The following PTCHD4 variants were observed in gnomAD, a reference collection of about 807,000 sequenced individuals.
PTCHD4 encodes the protein patched domain-containing protein 4.
PTCHD4 carries 33 observed loss-of-function variants against 58.1 expected under a neutral mutation model. That is an observed-to-expected ratio of 0.57 (90% CI 0.43 to 0.76). PTCHD4 has a LOEUF of 0.76. PTCHD4 is among the 30% of genes least tolerant of loss of function. The probability of loss-of-function intolerance (pLI) is 0.00; values close to 1 mark genes in which losing one functional copy is unlikely to be tolerated. For missense variants in PTCHD4, 1,058 were observed against 1,027.1 expected, an observed-to-expected ratio of 1.03 and a Z score of -0.41; for synonymous variants, 478 against 409.6, an observed-to-expected ratio of 1.17 and a Z score of -2.02.
At chr6:48,103,434 A>C (rs1259921583) in intron 1 of PTCHD4, among the ~76,000 whole-genome samples, 1 of 152,236 alleles carries the variant, frequency 6.6e-6, no homozygotes, top group African/African-American at 2.4e-5. Flanking sequence ...AAGGACATCC[A>C]CACCAAAAAT....
At chr6:48,096,086 C>A (rs1416829156) in intron 1 of PTCHD4, among the ~76,000 whole-genome samples, 4 of 152,000 alleles carry the variant, frequency 2.6e-5, no homozygotes, top group Non-Finnish European at 4.4e-5. Context: ...GATAGGCAGA[C>A]AAATCAATTA....
At chr6:47,921,062 CAAAA>C (rs1253395756) in intron 4 of PTCHD4, among the ~76,000 whole-genome samples, 5 of 151,930 alleles carry the variant, frequency 3.3e-5, no homozygotes, top group African/African-American at 4.8e-5. Context: ...AACAAACAAA[CAAAA>C]AGCAAAACAA....
At position 47,874,563 on chromosome 6, in the gene PTCHD4, G is replaced by A. The variant is rs2114085862; in HGVS notation, c.*3740C>T. 6.6e-6 allele frequency among the ~76,000 whole-genome samples: 1 copy of A among 151,826 alleles called. No individual in the cohort carries two copies. On this transcript the variant is annotated 3_prime_UTR_variant, in exon 5 of 5. Transcript: ENST00000339488. ...CCTAGAAGGATTAGCTTATTACGGGGAAATGTGATAGATAATTACAAAATG... is the reference window on the plus strand; with the variant it reads ...CCTAGAAGGATTAGCTTATTACGGGAAAATGTGATAGATAATTACAAAATG...
intron 4 of PTCHD4, among the ~76,000 whole-genome samples, chr6:47,920,804 A>G (rs1260546821): frequency 6.6e-6 from 1 of 152,224 alleles, no homozygotes; most frequent in Non-Finnish European, 1.5e-5. Context: ...GTAAAATTCC[A>G]TTCCTAAGAG....
intron 4 of PTCHD4, chr6:47,901,038 C>A (rs1241889300): frequency 6.6e-6 from 1 of 150,716 alleles, no homozygotes; most frequent in Admixed American, 6.6e-5. Flanking sequence ...CCTGTAGTCC[C>A]AGCTACTCGG....
chr6:48,046,411 A>G (rs1267037537), intron 3 of PTCHD4, among the ~76,000 whole-genome samples: 1 of 151,864 alleles, frequency 6.6e-6, no homozygotes, highest in East Asian at 1.9e-4. Context: ...TTCTGATAGA[A>G]TTAGAAGTGT....
intron 4 of PTCHD4, among the ~76,000 whole-genome samples, chr6:47,927,545 T>A (rs939539258): frequency 1.3e-5 from 2 of 152,096 alleles, no homozygotes; most frequent in African/African-American, 4.8e-5. Flanking sequence ...GATGAAGGGA[T>A]CAGAACTGGA....
At chr6:47,966,500 AAAGT>A (rs1301379538) in intron 4 of PTCHD4, among the ~76,000 whole-genome samples, 1 of 152,238 alleles carries the variant, frequency 6.6e-6, no homozygotes, top group African/African-American at 2.4e-5. Flanking sequence ...ACAATTTCTT[AAAGT>A]AAGACAACAA....
chr6:48,005,713 T>C (rs1388513256), intron 4 of PTCHD4, among the ~76,000 whole-genome samples: 1 of 152,218 alleles, frequency 6.6e-6, no homozygotes, highest in African/African-American at 2.4e-5. Context: ...AAGGAGACTA[T>C]AGATTAGAGA....
At chr6:48,031,915 G>A (rs1405880711) in intron 3 of PTCHD4, among the ~76,000 whole-genome samples, 3 of 152,082 alleles carry the variant, frequency 2.0e-5, no homozygotes, top group African/African-American at 7.2e-5. Flanking sequence ...GTCGGAATAT[G>A]TTTTCGATGC....
At chr6:48,061,484 A>G (rs1764623973) in intron 3 of PTCHD4, among the ~76,000 whole-genome samples, 1 of 152,160 alleles carries the variant, frequency 6.6e-6, no homozygotes, top group Non-Finnish European at 1.5e-5. Flanking sequence ...TCCAAATCAC[A>G]TCATGAATTA....
chr6:47,970,025 C>T (rs1044633412), intron 4 of PTCHD4, among the ~76,000 whole-genome samples: 1 of 152,066 alleles, frequency 6.6e-6, no homozygotes, highest in Non-Finnish European at 1.5e-5. Context: ...GGTGAGAGCA[C>T]AATCTGAGCA....
chr6:47,932,354 ATGTT>A (rs769089793), intron 4 of PTCHD4, among the ~76,000 whole-genome samples: 2 of 152,226 alleles, frequency 1.3e-5, no homozygotes, highest in Non-Finnish European at 2.9e-5. Flanking sequence ...AAAGGAAAGA[ATGTT>A]TGTCAAGAGC....
intron 3 of PTCHD4, among the ~76,000 whole-genome samples, chr6:48,029,960 C>T (rs1763377328): frequency 6.6e-6 from 1 of 152,028 alleles, no homozygotes; most frequent in South Asian, 2.1e-4. Context: ...CTGGTAGGCC[C>T]AGGAAAGTCA....
In PTCHD4 at chr6:47,874,077, C is replaced by T. The variant is rs1393734058; in HGVS notation, c.*4226G>A. ...TGTCAGTCTCATGGCATTGTATTTT[C>T]TGCTTCACCATAAGATTAGCAAACA... is the stretch of plus-strand genomic sequence containing the variant. On this transcript the variant is annotated 3_prime_UTR_variant, in exon 5 of 5. Coordinates refer to ENST00000339488, the MANE Select transcript of PTCHD4 (RefSeq NM_001384253.1). 6.6e-6 allele frequency among the ~76,000 whole-genome samples: 1 copy of T among 151,708 alleles called. No homozygotes were observed. Among genetic ancestry groups the T allele is most frequent in the African/African-American group, 2.4e-5 (1 of 41,350 alleles).
intron 4 of PTCHD4, among the ~76,000 whole-genome samples, chr6:47,920,531 T>G (rs1290267931): frequency 6.6e-6 from 1 of 152,112 alleles, no homozygotes; most frequent in African/African-American, 2.4e-5. Flanking sequence ...AAAGAAGAGT[T>G]CAAGATAAAA....
At chr6:47,891,336 G>A (rs1349341691) in intron 4 of PTCHD4, among the ~76,000 whole-genome samples, 1 of 151,320 alleles carries the variant, frequency 6.6e-6, no homozygotes, top group Non-Finnish European at 1.5e-5. Context: ...CAGCTGTGTT[G>A]AGTGTTATCT....
At chr6:47,973,773 A>G (rs1767598025) in intron 4 of PTCHD4, among the ~76,000 whole-genome samples, 1 of 152,260 alleles carries the variant, frequency 6.6e-6, no homozygotes, top group Admixed American at 6.5e-5. Context: ...ACGTTTATAC[A>G]GTTAGAATTT....
At chr6:47,932,538 C>T (rs1406252770) in intron 4 of PTCHD4, among the ~76,000 whole-genome samples, 3 of 152,182 alleles carry the variant, frequency 2.0e-5, no homozygotes, top group African/African-American at 7.2e-5. Flanking sequence ...CTAAAAGGTA[C>T]ATGGTGTGAT....
Sources: allele counts gnomAD v4.1 joint callset (sites outside exome capture counted in the v4.1 genomes callset), GRCh38; gene constraint gnomAD v4.1.1; transcripts MANE v1.5; gene names NCBI Gene and HGNC (gene_info 2026-07-23, HGNC 2026-07-21).